RHBDL2: variants seen among roughly 807,000 people sequenced by gnomAD.
RHBDL2 encodes rhomboid-related protein 2.
A neutral mutation model predicts 31.7 loss-of-function variants in RHBDL2; 26 were observed. That is an observed-to-expected ratio of 0.82 (90% CI 0.60 to 1.14). RHBDL2 has a LOEUF of 1.14. RHBDL2 is among the 50% of genes most tolerant of loss of function. The pLI, the probability that RHBDL2 is intolerant of heterozygous loss-of-function variation, is 0.00. For synonymous variants in RHBDL2, 123 were observed against 127.2 expected, an observed-to-expected ratio of 0.97 and a Z score of 0.22; for missense variants, 336 against 364.4, an observed-to-expected ratio of 0.92 and a Z score of 0.63.
Position 38,915,609 on chromosome 1 carries a change from C to T in RHBDL2, c.348G>A (p.Lys116=). 1 of 1,614,170 alleles carries T rather than the reference C, an allele frequency of 6.2e-7. No individual in the cohort carries two copies. The highest frequency in any genetic ancestry group is 8.5e-7 in the Non-Finnish European group (1 of 1,180,004). ...AGATAAACCTCCAGGCTTCCTCCCTCTTCTCAGGACTGTAGATAAAGGGAC... is the reference window on the plus strand; with the variant it reads ...AGATAAACCTCCAGGCTTCCTCCCTTTTCTCAGGACTGTAGATAAAGGGAC... The part of the protein sequence containing the change: ...LESPFIYSPE[K]REEAWRFISY... Residue 116 remains lysine (K), a synonymous_variant, in exon 3 of 8, where the codon AAG becomes AAA. Coordinates refer to ENST00000372990, the MANE Select transcript of RHBDL2 (RefSeq NM_017821.5).
intron 1 of RHBDL2, among the ~76,000 whole-genome samples, chr1:38,938,281 C>G (rs1643530899): frequency 6.6e-6 from 1 of 152,106 alleles, no homozygotes; most frequent in African/African-American, 2.4e-5. Context: ...TCCCAAAGTG[C>G]TGGGATTAGA....
chr1:38,891,192 C>A (rs970829225), intron 6 of RHBDL2, among the ~76,000 whole-genome samples: 2 of 132,612 alleles, frequency 1.5e-5, no homozygotes, highest in African/African-American at 5.6e-5. Context: ...ACCCAGGAGG[C>A]GGAGGTTGCA....
At position 38,893,228 on chromosome 1, in the gene RHBDL2, A is replaced by G; in HGVS notation, c.610-4T>C. 1 of 1,401,152 alleles carries G rather than the reference A, an allele frequency of 7.1e-7. No individual in the cohort carries two copies. The highest frequency in any genetic ancestry group is 1.7e-5 in the Admixed American group (1 of 59,410). The allele number at this position is 1,401,152 out of a possible 1,614,324, so 86.8% of individuals were successfully genotyped here. A position where few individuals can be genotyped will look rare whatever the true frequency, so the allele number is the denominator to read the frequency against. ...CAGGAATCATTTCTTGAAAATTCTT[A>G]AAAAGAGATAAATAATAATTATATA... On this transcript the variant is annotated splice_region_variant and splice_polypyrimidine_tract_variant and intron_variant, in intron 5 of 7. Coordinates refer to ENST00000372990, the MANE Select transcript of RHBDL2 (RefSeq NM_017821.5).
chr1:38,919,341 T>G lies in RHBDL2; in HGVS notation c.-125-4A>C. 2 of 1,582,314 alleles carry G rather than the reference T, an allele frequency of 1.3e-6. No homozygotes were observed. Among genetic ancestry groups the G allele is most frequent in the East Asian group, 2.2e-5 (1 of 44,496 alleles). On this transcript the variant is annotated splice_polypyrimidine_tract_variant and splice_region_variant and intron_variant, in intron 1 of 7. Transcript: ENST00000372990. ...CGACTGCTTTCCAAGGCCTTTCCTG[T>G]ATGTGAAGAGAAGACAGCTGAAGAT...
rs1642875188 is a variant in RHBDL2 at position 38,893,172 on chromosome 1, A to C, written c.662T>G (p.Ile221Ser). Reference sequence around the variant, plus strand: ...TCACAAAACACACTTACTTATCAGGATGATGATCAGCAGTCTGAAAATTCC... The same window carrying C: ...TCACAAAACACACTTACTTATCAGGCTGATGATCAGCAGTCTGAAAATTCC... ...AFGIFRLLIIILIIVLDMGFA... is the reference protein window; with the variant it reads ...AFGIFRLLIISLIIVLDMGFA... The change falls in exon 6 of 8, where the codon ATC (isoleucine) becomes AGC (serine). Residue 221 changes from isoleucine (I) to serine (S), a missense_variant. Physicochemically the swap from Ile to Ser is moderately radical, Grantham distance 142. Coordinates refer to ENST00000372990, the MANE Select transcript of RHBDL2 (RefSeq NM_017821.5). 4 of 1,561,532 alleles carry C rather than the reference A, an allele frequency of 2.6e-6. 1 individual carries two copies. The South Asian group carries it at 4.5e-5, about 17-fold the overall frequency.
intron 1 of RHBDL2, among the ~76,000 whole-genome samples, chr1:38,919,939 A>G (rs72938843): frequency 1.9e-3 from 291 of 152,276 alleles, no homozygotes; most frequent in African/African-American, 6.8e-3. Context: ...TTGTGCAGCC[A>G]TCACCACTAG....
intron 1 of RHBDL2, chr1:38,929,448 A>T (rs1441433697): frequency 7.8e-7 from 1 of 1,289,480 alleles, no homozygotes; most frequent in African/African-American, 1.5e-5. Context: ...CACCCTTATG[A>T]CAACTCCTTT....
At chr1:38,902,084 C>T (rs1642998053) in intron 4 of RHBDL2, among the ~76,000 whole-genome samples, 1 of 151,460 alleles carries the variant, frequency 6.6e-6, no homozygotes, top group South Asian at 2.1e-4. Flanking sequence ...ACAAAGAACA[C>T]TTACCAACAT....
intron 1 of RHBDL2, chr1:38,926,400 G>A (rs1643375849): frequency 6.2e-6 from 1 of 161,430 alleles, no homozygotes; most frequent in Non-Finnish European, 1.3e-5. Flanking sequence ...GTAATTCTAG[G>A]TACCTGGTCT....
intron 4 of RHBDL2, among the ~76,000 whole-genome samples, chr1:38,905,750 GA>G (rs36067930): frequency 0.077 from 9,022 of 117,634 alleles, 328 homozygotes; most frequent in Middle Eastern, 0.19. Context: ...TCTGTCTCAA[GA>G]AAAAAAAAAA....
chr1:38,933,784 A>G (rs1244675268), intron 1 of RHBDL2, among the ~76,000 whole-genome samples: 2 of 148,256 alleles, frequency 1.3e-5, no homozygotes, highest in African/African-American at 5.0e-5. Context: ...GCTGGAGTGC[A>G]GTGGTACAAT....
chr1:38,938,369 C>T lies in RHBDL2; in HGVS notation c.-126+3313G>A, dbSNP rs190464880. On this transcript the variant is annotated intron_variant, in intron 1 of 7. Coordinates refer to ENST00000372990, the MANE Select transcript of RHBDL2 (RefSeq NM_017821.5). ...TTGGTTTAAAGCCTAGATTCCTTAA[C>T]GAGGCACAGAAAGACCTCATGACCT... Among the ~76,000 whole-genome samples the T allele has an allele frequency of 1.4e-3, 217 of 152,238 alleles. 1 individual carries two copies. Among genetic ancestry groups the T allele is most frequent in the South Asian group, 0.012 (56 of 4,820 alleles).
At chr1:38,940,542 T>C (rs1304095750) in intron 1 of RHBDL2, among the ~76,000 whole-genome samples, 1 of 152,056 alleles carries the variant, frequency 6.6e-6, no homozygotes, top group African/African-American at 2.4e-5. Flanking sequence ...GCCAGTTCTG[T>C]TTACACGCTG....
At chr1:38,920,160 T>C (rs925199516) in intron 1 of RHBDL2, among the ~76,000 whole-genome samples, 2 of 121,788 alleles carry the variant, frequency 1.6e-5, no homozygotes, top group African/African-American at 3.3e-5. Flanking sequence ...TTCCTTCACA[T>C]GTTTTCTTTT....
intron 4 of RHBDL2, among the ~76,000 whole-genome samples, chr1:38,909,364 A>T (rs565379215): frequency 2.6e-5 from 4 of 152,134 alleles, no homozygotes; most frequent in Non-Finnish European, 4.4e-5. Flanking sequence ...AATCATGACA[A>T]CACCAAATGC....
intron 4 of RHBDL2, among the ~76,000 whole-genome samples, chr1:38,897,853 G>T (rs1452364701): frequency 6.6e-6 from 1 of 152,160 alleles, no homozygotes; most frequent in African/African-American, 2.4e-5. Flanking sequence ...CCAGTAGGCC[G>T]GGCACGGTGG....
At chr1:38,929,503 G>C in intron 1 of RHBDL2, 1 of 1,289,440 alleles carries the variant, frequency 7.8e-7, no homozygotes, top group South Asian at 1.2e-5. Context: ...CGCTTGCCTA[G>C]CTGCATTCAA....
chr1:38,931,909 C>G (rs1442592994), intron 1 of RHBDL2, among the ~76,000 whole-genome samples: 1 of 152,128 alleles, frequency 6.6e-6, no homozygotes. Flanking sequence ...TTTGCCATTC[C>G]TCTCACTGAG....
intron 6 of RHBDL2, among the ~76,000 whole-genome samples, chr1:38,892,799 C>G (rs144939432): frequency 6.6e-6 from 1 of 152,112 alleles, no homozygotes; most frequent in Non-Finnish European, 1.5e-5. Context: ...GCCCAGCTGC[C>G]GAAACTACCT....
Sources: gnomAD v4.1 joint callset for allele counts (sites outside exome capture counted in the v4.1 genomes callset) on GRCh38, gnomAD v4.1.1 for gene constraint, MANE v1.5 for transcripts, NCBI Gene and HGNC (gene_info 2026-07-23, HGNC 2026-07-21) for gene names.